SLFNL1: variants seen among roughly 807,000 people sequenced by gnomAD.
The protein encoded by SLFNL1 is schlafen like 1, also known as schlafen-like protein 1.
In SLFNL1, 26 loss-of-function variants were observed where a neutral mutation model predicts 32.5. That is an observed-to-expected ratio of 0.80 (90% confidence interval 0.59 to 1.11). SLFNL1 has a LOEUF of 1.11. Among genes scored for constraint, SLFNL1 ranks in the 50% least tolerant of loss-of-function variants. The probability of loss-of-function intolerance (pLI) is 0.00; values close to 1 mark genes in which losing one functional copy is unlikely to be tolerated. For synonymous variants in SLFNL1, 255 were observed against 242.2 expected, an observed-to-expected ratio of 1.05 and a Z score of -0.49; for missense variants, 553 against 546.5, an observed-to-expected ratio of 1.01 and a Z score of -0.12.
In SLFNL1 at chr1:41,017,873, T is replaced by G. The variant is rs746509813; in HGVS notation, c.719A>C (p.Lys240Thr). ...GCACACGTAGCGCCGCACGTGGTGC[T>G]TGAAGGCCAGGCTGAGGTACTCGCC... ...GSGEYLSLAF[K>T]HHVRRYVCAF... Residue 240 changes from lysine to threonine, a missense_variant, in exon 4 of 6, where the codon AAG (lysine) becomes ACG (threonine). Coordinates refer to ENST00000302946, the MANE Select transcript of SLFNL1 (RefSeq NM_144990.4). This position sits in a 1 kb window ranked among gnomAD's most constrained non-coding sequence, Gnocchi z 4.9. The G allele has an allele frequency of 6.2e-7, 1 of 1,607,742 alleles. No homozygotes were observed. Among genetic ancestry groups the G allele is most frequent in the Non-Finnish European group, 8.5e-7 (1 of 1,175,504 alleles).
In SLFNL1 at chr1:41,020,214, A is replaced by T; in HGVS notation, c.435+12T>A. 6.4e-7 allele frequency: 1 copy of T among 1,565,368 alleles called. No individual in the cohort carries two copies. Among genetic ancestry groups the T allele is most frequent in the Non-Finnish European group, 8.7e-7 (1 of 1,154,800 alleles). On this transcript the variant is annotated intron_variant, in intron 3 of 5. Transcript: ENST00000302946. ...GAGGCTTTGGAGCTTGCTTGGGAAA[A>T]GTCCCACTTACCTCTCTGTGGCTGA...
At chr1:41,018,522 C>T in intron 3 of SLFNL1, 1 of 205,750 alleles carries the variant, frequency 4.9e-6, no homozygotes, top group Non-Finnish European at 9.7e-6. Context: ...AGGCCCAGAA[C>T]CAGATCATTC....
intron 3 of SLFNL1, 75 bp from the exon 4 acceptor site, chr1:41,018,231 G>A: frequency 7.2e-7 from 1 of 1,390,510 alleles, no homozygotes; most frequent in Non-Finnish European, 9.4e-7. Context: ...AGGACTGCAA[G>A]AACCCCCAGT....
chr1:41,016,150 G>T lies in SLFNL1; in HGVS notation c.1180C>A (p.Leu394Met). The change falls in exon 6 of 6, where the codon CTG becomes ATG. Residue 394 changes from leucine (L) to methionine (M), a missense_variant. Transcript: ENST00000302946. ...MMEKEQLQQQ[L>M]QQHGPVSCTC... ...CAGGACACAGGCCCGTGCTGCTGCA[G>T]CTGCTGCTGGAGCTGCTCCTTCTCC... 1 of 1,614,176 alleles carries T rather than the reference G, an allele frequency of 6.2e-7. No individual in the cohort carries two copies. Among genetic ancestry groups the T allele is most frequent in the Non-Finnish European group, 8.5e-7 (1 of 1,180,006 alleles).
At position 41,017,989 on chromosome 1, in the gene SLFNL1, A is replaced by C. The variant is rs1209144004; in HGVS notation, c.603T>G (p.Ile201Met). 1 of 1,609,564 alleles carries C rather than the reference A, an allele frequency of 6.2e-7. No individual in the cohort carries two copies. Among genetic ancestry groups the C allele is most frequent in the Non-Finnish European group, 8.5e-7 (1 of 1,178,640 alleles). Reference sequence around the variant, plus strand: ...CCTTGCCCACGATCTGCTGGTGCACAATGGCACTGTCGGAGCACACGCCGC... The same window carrying C: ...CCTTGCCCACGATCTGCTGGTGCACCATGGCACTGTCGGAGCACACGCCGC... ...RPSGVCSDSAIVHQQIVGKDQ... is the reference protein window; with the variant it reads ...RPSGVCSDSAMVHQQIVGKDQ... The change falls in exon 4 of 6, where the codon ATT (isoleucine) becomes ATG (methionine). Residue 201 changes from isoleucine to methionine, a missense_variant. By Grantham distance (10) the Ile-to-Met change is conservative. Coordinates refer to ENST00000302946, the MANE Select transcript of SLFNL1 (RefSeq NM_144990.4). The surrounding 1 kb of genome is among the most constrained non-coding windows in gnomAD (Gnocchi z 4.9).
intron 3 of SLFNL1, among the ~76,000 whole-genome samples, chr1:41,020,016 G>C (rs1007965277): frequency 1.3e-5 from 2 of 152,236 alleles, no homozygotes; most frequent in Non-Finnish European, 2.9e-5. Flanking sequence ...ACAAACGTCG[G>C]GCTTGAGCTT....
At position 41,016,156 on chromosome 1, in the gene SLFNL1, G is replaced by T. The variant is rs1643301248; in HGVS notation, c.1174C>A (p.Gln392Lys). 2 of 1,614,198 alleles carry T rather than the reference G, an allele frequency of 1.2e-6. No homozygotes were observed. The highest frequency in any genetic ancestry group is 4.5e-5 in the East Asian group (2 of 44,880). ...ACAGGCCCGTGCTGCTGCAGCTGCT[G>T]CTGGAGCTGCTCCTTCTCCATCATC... is the stretch of plus-strand genomic sequence containing the variant. ...ALMMEKEQLQ[Q>K]QLQQHGPVSC... The change falls in exon 6 of 6, where the codon CAG (glutamine) becomes AAG (lysine). Residue 392 changes from glutamine (Q) to lysine (K), a missense_variant. By Grantham distance (53) the Gln-to-Lys change is moderately conservative. Transcript: ENST00000302946.
chr1:41,018,307 G>A, intron 3 of SLFNL1, 151 bp from the exon 4 acceptor site: 1 of 738,524 alleles, frequency 1.4e-6, no homozygotes, highest in East Asian at 3.0e-5. Flanking sequence ...GAGGGGCCCA[G>A]TTCTGCCCAC....
At chr1:41,021,393 C>G (rs1643823178) in intron 1 of SLFNL1, 1 of 152,376 alleles carries the variant, frequency 6.6e-6, no homozygotes, top group South Asian at 2.1e-4. Flanking sequence ...CATTTTTGGT[C>G]CAGAGAGCAG....
chr1:41,019,691 C>G (rs946092531), intron 3 of SLFNL1, among the ~76,000 whole-genome samples: 50 of 152,216 alleles, frequency 3.3e-4, no homozygotes, highest in African/African-American at 1.2e-3. Context: ...GATTTCACTT[C>G]CCCTGTTAAT....
chr1:41,016,092 G>T lies in SLFNL1; in HGVS notation c.*14C>A, dbSNP rs749393274. 73 of 1,610,036 alleles carry T rather than the reference G, an allele frequency of 4.5e-5. No individual in the cohort carries two copies. The East Asian group carries it at 1.0e-3, about 23-fold the overall frequency. On this transcript the variant is annotated 3_prime_UTR_variant, in exon 6 of 6. Transcript: ENST00000302946. ...TGGAGAGTGCCGTGCCGTCCTGCCT[G>T]CTCCCCAGGGCCCTCACAGGACACA...
rs768733429 is a variant in SLFNL1 at position 41,016,124 on chromosome 1, G to T, written c.1206C>A (p.Cys402Ter). ...QQLQQHGPVSCTCCVL is the reference protein window; with the variant it reads ...QQLQQHGPVS The stretch of plus-strand genomic sequence containing the variant: ...AGGGCCCTCACAGGACACAGCAGGT[G>T]CAGGACACAGGCCCGTGCTGCTGCA... Residue 402 changes from cysteine (C) to a stop codon, truncating the protein, a stop_gained, in exon 6 of 6, where the codon TGC becomes TGA. Coordinates refer to ENST00000302946, the MANE Select transcript of SLFNL1 (RefSeq NM_144990.4). LOFTEE classifies it high-confidence loss of function. 4 of 1,613,908 alleles carry T rather than the reference G, an allele frequency of 2.5e-6. No individual in the cohort carries two copies. In the African/African-American group the frequency reaches 5.3e-5, roughly 22 times the overall value.
At position 41,020,292 on chromosome 1, in the gene SLFNL1, C is replaced by T. The variant is rs771070274; in HGVS notation, c.369G>A (p.Lys123=). 2.5e-6 allele frequency: 4 copies of T among 1,613,436 alleles called. No individual in the cohort carries two copies. The Admixed American group carries it at 5.0e-5, about 20-fold the overall frequency. The part of the protein sequence containing the change: ...QTALEEHLIL[K]ELAARGKDLL... The stretch of plus-strand genomic sequence containing the variant: ...GGTCCTTCCCACGGGCTGCCAGCTC[C>T]TTGAGGATTAGGTGCTCCTCCAGGG... The change falls in exon 3 of 6, where the codon AAG becomes AAA. Residue 123 remains lysine, a synonymous_variant. Coordinates refer to ENST00000302946, the MANE Select transcript of SLFNL1 (RefSeq NM_144990.4).
At chr1:41,018,295 C>T in intron 3 of SLFNL1, 139 bp from the exon 4 acceptor site, 1 of 862,436 alleles carries the variant, frequency 1.2e-6, no homozygotes, top group Non-Finnish European at 1.7e-6. Context: ...CCTCACCAGG[C>T]CGAGGGGCCC....
In SLFNL1 at chr1:41,020,788, A is replaced by T. The variant is rs1470719730; in HGVS notation, c.-118-10T>A. 2.4e-6 allele frequency: 2 copies of T among 842,054 alleles called. No individual in the cohort carries two copies. Among genetic ancestry groups the T allele is most frequent in the Non-Finnish European group, 3.6e-6 (2 of 551,414 alleles). The allele number at this position is 842,054 out of a possible 1,614,324, so 52.2% of individuals were successfully genotyped here. A position where few individuals can be genotyped will look rare whatever the true frequency, so the allele number is the denominator to read the frequency against. ...GGGAGTGTCCCGGCTCCTGGGAGGT[A>T]CACAGATTGGCAGAGACTGGGCAGG... On this transcript the variant is annotated splice_polypyrimidine_tract_variant and intron_variant, in intron 2 of 5. Transcript: ENST00000302946.
chr1:41,020,695 C>T lies in SLFNL1; in HGVS notation c.-35G>A. On this transcript the variant is annotated 5_prime_UTR_variant, in exon 3 of 6. Transcript: ENST00000302946. Reference sequence around the variant, plus strand: ...CTCCCTGGGAAGGGGTTCCAGGATTCCTCACTGCTGGCTGCTTCTCCCAGG... The same window carrying T: ...CTCCCTGGGAAGGGGTTCCAGGATTTCTCACTGCTGGCTGCTTCTCCCAGG... 5 of 1,580,722 alleles carry T rather than the reference C, an allele frequency of 3.2e-6. No homozygotes were observed. Among genetic ancestry groups the T allele is most frequent in the Non-Finnish European group, 4.3e-6 (5 of 1,158,244 alleles).
rs549710394 is a variant in SLFNL1 at position 41,020,574 on chromosome 1, G to A, written c.87C>T (p.Pro29=). The A allele has an allele frequency of 2.6e-5, 42 of 1,613,346 alleles. No individual in the cohort carries two copies. Among genetic ancestry groups the A allele is most frequent in the South Asian group, 1.8e-4 (16 of 91,086 alleles). The change falls in exon 3 of 6, where the codon CCC becomes CCT. Residue 29 remains proline, a synonymous_variant. Coordinates refer to ENST00000302946, the MANE Select transcript of SLFNL1 (RefSeq NM_144990.4). The stretch of plus-strand genomic sequence containing the variant: ...AGTACTCCGTCAGGGACTGCTCTGC[G>A]GGTAGCTCCGGCAGGGACTCCTCAC... ...SWGEESLPEL[P]AEQSLTEYSD...
chr1:41,019,997 T>A (rs1051914844), intron 3 of SLFNL1, among the ~76,000 whole-genome samples: 4 of 152,230 alleles, frequency 2.6e-5, no homozygotes, highest in African/African-American at 9.6e-5. Context: ...CCTCGTGGCC[T>A]TTCTTCACAC....
Position 41,017,077 on chromosome 1 carries a change from T to G in SLFNL1, c.1101+157A>C. 1.2e-6 allele frequency: 1 copy of G among 850,070 alleles called. No individual in the cohort carries two copies. The highest frequency in any genetic ancestry group is 1.7e-6 in the Non-Finnish European group (1 of 582,856). 52.7% of individuals were successfully genotyped at this position (850,070 alleles called of 1,614,324 possible). A position where few individuals can be genotyped will look rare whatever the true frequency, so the allele number is the denominator to read the frequency against. On this transcript the variant is annotated intron_variant, in intron 5 of 5. Transcript: ENST00000302946. This position sits in a 1 kb window ranked among gnomAD's most constrained non-coding sequence, Gnocchi z 4.9. ...CCACCAGCCACCTACCCGCGGAGTA[T>G]GGGATGTGGTGTGATTGTATTCCAA...
Sources: gnomAD v4.1 joint callset for allele counts (sites outside exome capture counted in the v4.1 genomes callset) on GRCh38, gnomAD v4.1.1 for gene constraint, Gnocchi (gnomAD v3.1) non-coding constraint, MANE v1.5 for transcripts, NCBI Gene and HGNC (gene_info 2026-07-23, HGNC 2026-07-21) for gene names.